Variants in SKIC2 observed in about 807,000 individuals in gnomAD.
SKIC2 encodes the protein SKI2 subunit of superkiller complex, also known as superkiller complex protein 2.
chr6:31,969,176 G>T, the SKIC2 span: 1 of 1,550,094 alleles, frequency 6.5e-7, no homozygotes, highest in Non-Finnish European at 8.8e-7. This position sits in a 1 kb window ranked among gnomAD's most constrained non-coding sequence, Gnocchi z 6.1. Context: ...ACCCCCTCCA[G>T]CCCTGTAAGT....
chr6:31,963,514 A>T, the SKIC2 span: 1 of 1,604,904 alleles, frequency 6.2e-7, no homozygotes, highest in Non-Finnish European at 8.5e-7. This position sits in a 1 kb window ranked among gnomAD's most constrained non-coding sequence, Gnocchi z 5.3. Flanking sequence ...ACCCAGGGGG[A>T]GCTCTTTTTG....
the SKIC2 span, chr6:31,968,517 C>T: frequency 1.2e-6 from 2 of 1,612,638 alleles, no homozygotes; most frequent in East Asian, 2.2e-5. This position sits in a 1 kb window ranked among gnomAD's most constrained non-coding sequence, Gnocchi z 6.1. Context: ...AGTGTGTACA[C>T]AGCCCCCGTT....
the SKIC2 span, chr6:31,968,734 C>G: frequency 2.5e-6 from 4 of 1,612,928 alleles, no homozygotes; most frequent in Non-Finnish European, 2.5e-6. This position sits in a 1 kb window ranked among gnomAD's most constrained non-coding sequence, Gnocchi z 6.1. Context: ...GATGGAGCGG[C>G]TGCGCTTCCT....
the SKIC2 span, chr6:31,961,136 C>T: frequency 1.3e-5 from 21 of 1,603,134 alleles, no homozygotes; most frequent in African/African-American, 9.4e-5. Context: ...GAAGTCATGT[C>T]CTTCTCCTAA....
the SKIC2 span, chr6:31,959,373 G>A: frequency 6.2e-7 from 1 of 1,613,570 alleles, no homozygotes; most frequent in African/African-American, 1.3e-5. Context: ...GGGAGCTGCT[G>A]AACTTGCCTG....
the SKIC2 span, chr6:31,959,394 G>A: frequency 8.1e-6 from 13 of 1,609,778 alleles, no homozygotes; most frequent in Non-Finnish European, 1.0e-5. Flanking sequence ...GAGCTCCAGA[G>A]AGTAGCGTGA....
chr6:31,962,863 T>G, the SKIC2 span: 1 of 1,358,128 alleles, frequency 7.4e-7, no homozygotes. This position sits in a 1 kb window ranked among gnomAD's most constrained non-coding sequence, Gnocchi z 5.0. Flanking sequence ...AGCGTCTCCC[T>G]TATTCCACAC....
chr6:31,960,371 G>T, the SKIC2 span: 19,691 of 1,598,938 alleles, frequency 0.012, 189 homozygotes, highest in African/African-American at 0.018. Flanking sequence ...AACAGTTGGG[G>T]AGAAGGGGAG....
chr6:31,967,233 T>C, the SKIC2 span: 1 of 1,609,042 alleles, frequency 6.2e-7, no homozygotes, highest in Non-Finnish European at 8.5e-7. This position sits in a 1 kb window ranked among gnomAD's most constrained non-coding sequence, Gnocchi z 4.9. Context: ...CAAGTGTCTG[T>C]CCCTGTGATG....
chr6:31,964,028 C>T, the SKIC2 span: 1 of 1,612,738 alleles, frequency 6.2e-7, no homozygotes. The surrounding 1 kb of genome is among the most constrained non-coding windows in gnomAD (Gnocchi z 5.0). Context: ...GGCCTCACCT[C>T]CCTTGACCTC....
chr6:31,967,065 T>C, the SKIC2 span: 2 of 1,612,872 alleles, frequency 1.2e-6, no homozygotes, highest in Non-Finnish European at 1.7e-6. The surrounding 1 kb of genome is among the most constrained non-coding windows in gnomAD (Gnocchi z 4.9). Context: ...GAGCCTGACA[T>C]GACTGGCCAA....
At chr6:31,966,050 C>T in the SKIC2 span, 1 of 1,330,106 alleles carries the variant, frequency 7.5e-7, no homozygotes, top group East Asian at 2.4e-5. This position sits in a 1 kb window ranked among gnomAD's most constrained non-coding sequence, Gnocchi z 5.9. Flanking sequence ...GCCCCAGCTC[C>T]AGGACCTTGC....
the SKIC2 span, among the ~76,000 whole-genome samples, chr6:31,966,337 C>T: frequency 2.0e-5 from 3 of 151,770 alleles, no homozygotes; most frequent in African/African-American, 7.3e-5. The surrounding 1 kb of genome is among the most constrained non-coding windows in gnomAD (Gnocchi z 5.9). Flanking sequence ...AACTTCTGGG[C>T]TCAAGCAGTC....
At chr6:31,968,497 CA>C in the SKIC2 span, 2 of 1,612,986 alleles carry the variant, frequency 1.2e-6, no homozygotes, top group South Asian at 2.2e-5. The surrounding 1 kb of genome is among the most constrained non-coding windows in gnomAD (Gnocchi z 6.1). Flanking sequence ...GGAGCTGATC[CA>C]GGGGGCTCAG....
chr6:31,961,088 C>T, the SKIC2 span: 1 of 1,613,210 alleles, frequency 6.2e-7, no homozygotes, highest in Non-Finnish European at 8.5e-7. Context: ...GGACTTTGCA[C>T]CAAAAGGTTA....
chr6:31,963,490 G>C, the SKIC2 span: 4 of 1,611,970 alleles, frequency 2.5e-6, no homozygotes, highest in African/African-American at 5.3e-5. The surrounding 1 kb of genome is among the most constrained non-coding windows in gnomAD (Gnocchi z 5.3). Context: ...CTTTTCACAG[G>C]GAACAGCTCC....
At chr6:31,960,448 CA>C in the SKIC2 span, 1 of 1,614,074 alleles carries the variant, frequency 6.2e-7, no homozygotes, top group East Asian at 2.2e-5. Flanking sequence ...CTGGAGAACA[CA>C]AATCTCTCGG....
At chr6:31,960,237 C>T in the SKIC2 span, 227 of 1,613,002 alleles carry the variant, frequency 1.4e-4, no homozygotes, top group East Asian at 3.0e-3. Flanking sequence ...CAGAGGAAGA[C>T]GGATCCCTGG....
the SKIC2 span, chr6:31,960,244 C>T: frequency 1.1e-5 from 18 of 1,612,988 alleles, no homozygotes; most frequent in Admixed American, 6.7e-5. Context: ...AGACGGATCC[C>T]TGGTCTCTTT....
Sources: allele counts gnomAD v4.1 joint callset (sites outside exome capture counted in the v4.1 genomes callset), GRCh38; gene constraint gnomAD v4.1.1; non-coding constraint Gnocchi (gnomAD v3.1); transcripts MANE v1.5; gene names NCBI Gene and HGNC (gene_info 2026-07-23, HGNC 2026-07-21).